Variants in GAB1 observed in about 807,000 individuals in gnomAD.
The protein encoded by GAB1 is GRB2-associated-binding protein 1.
A neutral mutation model predicts 66.5 loss-of-function variants in GAB1; 19 were observed. The ratio of observed to expected loss-of-function variants is 0.29; its 90% CI spans 0.20 to 0.42. The LOEUF is 0.42. GAB1 is among the 10% of genes least tolerant of loss of function. GAB1 has a pLI of 1.00. For missense variants in GAB1, 732 were observed against 858.5 expected (o/e 0.85, Z 1.84); for synonymous variants, 294 against 301.4 (o/e 0.98, Z 0.25).
At chr4:143,424,480 T>G (rs1159042383) in intron 2 of GAB1, among the ~76,000 whole-genome samples, 2 of 152,230 alleles carry the variant, frequency 1.3e-5, no homozygotes, top group East Asian at 3.8e-4. Context: ...TAAATCCTTT[T>G]AAATAAATCT....
Position 143,339,186 on chromosome 4 carries a change from G to A in GAB1, c.72+1926G>A, listed in dbSNP as rs116340570. ...ATTGATTGGACTGTAAAAGGTTAACGACTCTCACCTAGTTCATTTCAAATG... is the reference window on the plus strand; with the variant it reads ...ATTGATTGGACTGTAAAAGGTTAACAACTCTCACCTAGTTCATTTCAAATG... On this transcript the variant is annotated intron_variant, in intron 1 of 9. Coordinates refer to ENST00000262994, the MANE Select transcript of GAB1 (RefSeq NM_002039.4). 2.4e-3 allele frequency among the ~76,000 whole-genome samples: 362 copies of A among 152,314 alleles called. 3 individuals carry two copies. The highest frequency in any genetic ancestry group is 8.0e-3 in the African/African-American group (334 of 41,572).
intron 4 of GAB1, 113 bp downstream of exon 4, chr4:143,438,713 A>T: frequency 3.6e-6 from 4 of 1,122,216 alleles, no homozygotes; most frequent in African/African-American, 3.1e-5. Context: ...AATACAGTCC[A>T]TTTTTTTCCA....
At chr4:143,411,736 G>T (rs1474950568) in intron 1 of GAB1, among the ~76,000 whole-genome samples, 1 of 152,204 alleles carries the variant, frequency 6.6e-6, no homozygotes, top group Non-Finnish European at 1.5e-5. Flanking sequence ...GGGTGCTGAT[G>T]TCAGTTCTCT....
At chr4:143,402,278 A>G (rs1207209221) in intron 1 of GAB1, among the ~76,000 whole-genome samples, 1 of 152,200 alleles carries the variant, frequency 6.6e-6, no homozygotes, top group Non-Finnish European at 1.5e-5. Context: ...TGATTGAAGC[A>G]TTATGGATTT....
intron 1 of GAB1, among the ~76,000 whole-genome samples, chr4:143,357,083 T>C (rs1729474856): frequency 6.6e-6 from 1 of 152,172 alleles, no homozygotes; most frequent in Non-Finnish European, 1.5e-5. Flanking sequence ...TTTTTTTGTC[T>C]TTGCAGAATT....
At chr4:143,413,001 A>C (rs1732476714) in intron 1 of GAB1, among the ~76,000 whole-genome samples, 1 of 152,224 alleles carries the variant, frequency 6.6e-6, no homozygotes, top group South Asian at 2.1e-4. Context: ...ATGGATGCTT[A>C]CAATACTTAG....
At chr4:143,415,874 T>C in intron 2 of GAB1, 103 bp downstream of exon 2, 1 of 912,882 alleles carries the variant, frequency 1.1e-6, no homozygotes, top group Non-Finnish European at 1.6e-6. Flanking sequence ...ATATAATGTT[T>C]TATTTTTATA....
At chr4:143,428,500 G>A (rs1309530760) in intron 2 of GAB1, among the ~76,000 whole-genome samples, 2 of 152,122 alleles carry the variant, frequency 1.3e-5, no homozygotes, top group African/African-American at 4.8e-5. Context: ...GGAAACCTCT[G>A]GGTGATGGGC....
In GAB1 at chr4:143,468,960, T is replaced by G; in HGVS notation, c.1927-71T>G. ...GTATTCACAGTGGATGTGTTTTGTG[T>G]TTTAAGACTGAGTTGTACTCAGGAA... On this transcript the variant is annotated intron_variant, in intron 9 of 9. Coordinates refer to ENST00000262994, the MANE Select transcript of GAB1 (RefSeq NM_002039.4). 2.0e-6 allele frequency: 3 copies of G among 1,500,376 alleles called. No homozygotes were observed. In the South Asian group the frequency reaches 3.7e-5, roughly 18 times the overall value. 92.9% of individuals were successfully genotyped at this position (1,500,376 alleles called of 1,614,324 possible). A position where few individuals can be genotyped will look rare whatever the true frequency, so the allele number is the denominator to read the frequency against.
intron 1 of GAB1, among the ~76,000 whole-genome samples, chr4:143,366,480 T>C (rs1729885113): frequency 6.6e-6 from 1 of 152,232 alleles, no homozygotes; most frequent in African/African-American, 2.4e-5. Context: ...AAAAGTTTAT[T>C]CCATAAGGAT....
chr4:143,462,676 T>G (rs965409643), intron 8 of GAB1, among the ~76,000 whole-genome samples: 1 of 152,262 alleles, frequency 6.6e-6, no homozygotes, highest in East Asian at 1.9e-4. Context: ...TTTTTTTTAT[T>G]TGGAGACAGA....
Position 143,337,036 on chromosome 4 carries a change from C to T in GAB1, c.-153C>T, listed in dbSNP as rs531201330. 1.5e-6 allele frequency: 1 copy of T among 646,676 alleles called. No individual in the cohort carries two copies. Among genetic ancestry groups the T allele is most frequent in the South Asian group, 2.0e-5 (1 of 50,240 alleles). The allele number at this position is 646,676 out of a possible 1,614,324, so 40.1% of individuals were successfully genotyped here. A position where few individuals can be genotyped will look rare whatever the true frequency, so the allele number is the denominator to read the frequency against. ...AGGAGAGACTCGAACTCGTGGAACCCGCGCACCGTGGAGTCTGTCCGCCCA... is the reference window on the plus strand; with the variant it reads ...AGGAGAGACTCGAACTCGTGGAACCTGCGCACCGTGGAGTCTGTCCGCCCA... On this transcript the variant is annotated 5_prime_UTR_variant, in exon 1 of 10. Transcript: ENST00000262994.
At chr4:143,408,813 T>A (rs1169717030) in intron 1 of GAB1, among the ~76,000 whole-genome samples, 2 of 152,214 alleles carry the variant, frequency 1.3e-5, no homozygotes, top group African/African-American at 4.8e-5. Context: ...TTTCCTTAAA[T>A]ATCAGTTGTG....
chr4:143,375,388 A>C (rs973889785), intron 1 of GAB1, among the ~76,000 whole-genome samples: 1 of 152,232 alleles, frequency 6.6e-6, no homozygotes, highest in Non-Finnish European at 1.5e-5. Flanking sequence ...GAATGTGTGC[A>C]CTTTGCAAAC....
intron 9 of GAB1, 73 bp from the exon 10 acceptor site, chr4:143,468,958 T>C: frequency 6.8e-7 from 1 of 1,470,158 alleles, no homozygotes; most frequent in Non-Finnish European, 9.3e-7. Context: ...ATGTGTTTTG[T>C]GTTTTAAGAC....
intron 1 of GAB1, among the ~76,000 whole-genome samples, chr4:143,404,904 G>A (rs1731962851): frequency 6.6e-6 from 1 of 152,152 alleles, no homozygotes; most frequent in African/African-American, 2.4e-5. Context: ...TCCTGTGATG[G>A]TCAGCACAGC....
chr4:143,376,773 T>G (rs1730436705), intron 1 of GAB1: 1 of 152,226 alleles, frequency 6.6e-6, no homozygotes, highest in African/African-American at 2.4e-5. Context: ...TTCTCACACT[T>G]TGTACCTTTT....
chr4:143,339,449 T>C (rs919837739), intron 1 of GAB1, among the ~76,000 whole-genome samples: 6 of 152,238 alleles, frequency 3.9e-5, no homozygotes, highest in Non-Finnish European at 7.3e-5. Flanking sequence ...AGGTGGAGGT[T>C]GCAGTGAGCA....
intron 6 of GAB1, among the ~76,000 whole-genome samples, chr4:143,444,621 T>C (rs1009843836): frequency 6.6e-6 from 1 of 152,160 alleles, no homozygotes; most frequent in Non-Finnish European, 1.5e-5. Context: ...GTATTTCAAT[T>C]TTTATTTTAG....
Sources: allele counts gnomAD v4.1 joint callset (sites outside exome capture counted in the v4.1 genomes callset), GRCh38; gene constraint gnomAD v4.1.1; transcripts MANE v1.5; gene names NCBI Gene and HGNC (gene_info 2026-07-23, HGNC 2026-07-21).